The following SPMIP2 variants were observed in gnomAD, a reference collection of about 807,000 sequenced individuals.
SPMIP2 encodes the protein protein SPMIP2.
the SPMIP2 span, among the ~76,000 whole-genome samples, chr4:159,044,388 A>AG: frequency 1.4e-5 from 2 of 138,354 alleles, no homozygotes; most frequent in African/African-American, 2.7e-5. Context: ...AAAAAAAAAA[A>AG]AGAGAGAAAG....
At chr4:158,984,466 G>C in the SPMIP2 span, among the ~76,000 whole-genome samples, 1,618 of 151,172 alleles carry the variant, frequency 0.011, 18 homozygotes, top group Middle Eastern at 0.048. Context: ...CTAGAACTCA[G>C]GATTAAGAAA....
chr4:158,994,336 A>G, the SPMIP2 span, among the ~76,000 whole-genome samples: 1 of 152,232 alleles, frequency 6.6e-6, no homozygotes, highest in Non-Finnish European at 1.5e-5. Flanking sequence ...GTGAGAGGCA[A>G]GCACTTCTTT....
At chr4:158,960,553 C>T in the SPMIP2 span, among the ~76,000 whole-genome samples, 2 of 152,082 alleles carry the variant, frequency 1.3e-5, no homozygotes, top group Non-Finnish European at 2.9e-5. Context: ...AAACAAGACC[C>T]TATGCGCTTT....
the SPMIP2 span, among the ~76,000 whole-genome samples, chr4:158,927,156 G>C: frequency 3.9e-5 from 6 of 152,116 alleles, no homozygotes; most frequent in African/African-American, 1.4e-4. Context: ...CTGTCTTCCT[G>C]ATAGACTGAC....
At chr4:158,904,514 T>C in the SPMIP2 span, 1 of 1,613,320 alleles carries the variant, frequency 6.2e-7, no homozygotes, top group Non-Finnish European at 8.5e-7. Context: ...CCAGTACTCA[T>C]TCTCCTTATG....
At chr4:158,936,825 TG>T in the SPMIP2 span, among the ~76,000 whole-genome samples, 1 of 152,112 alleles carries the variant, frequency 6.6e-6, no homozygotes, top group Admixed American at 6.5e-5. Flanking sequence ...ATAGGTGGGG[TG>T]GGTGTTACTG....
At chr4:159,037,013 T>A in the SPMIP2 span, among the ~76,000 whole-genome samples, 490 of 152,328 alleles carry the variant, frequency 3.2e-3, 4 homozygotes, top group African/African-American at 0.011. Flanking sequence ...GTTTTAAGGA[T>A]GCTGAGAAGA....
chr4:159,033,628 G>A, the SPMIP2 span, among the ~76,000 whole-genome samples: 2 of 152,264 alleles, frequency 1.3e-5, no homozygotes, highest in South Asian at 4.1e-4. Flanking sequence ...AAGGCAAAAG[G>A]AATTGCAGAT....
chr4:159,081,038 CTTTTTT>C, the SPMIP2 span, among the ~76,000 whole-genome samples: 1 of 118,410 alleles, frequency 8.4e-6, no homozygotes, highest in African/African-American at 3.2e-5. Context: ...GTTTCTTTCT[CTTTTTT>C]TTTTTTTTTT....
the SPMIP2 span, among the ~76,000 whole-genome samples, chr4:158,940,559 C>T: frequency 6.6e-4 from 89 of 135,066 alleles, no homozygotes; most frequent in East Asian, 1.3e-3. Flanking sequence ...GTTGTTCCTT[C>T]TTTTTTTTTT....
chr4:159,039,552 T>C, the SPMIP2 span, among the ~76,000 whole-genome samples: 1 of 152,200 alleles, frequency 6.6e-6, no homozygotes, highest in Admixed American at 6.5e-5. Context: ...TTGATGGCAT[T>C]GACTAGATGT....
chr4:159,082,591 G>C, the SPMIP2 span, among the ~76,000 whole-genome samples: 1 of 151,764 alleles, frequency 6.6e-6, no homozygotes, highest in Non-Finnish European at 1.5e-5. Flanking sequence ...GGCATTTGAT[G>C]ACAAGCTGGG....
At chr4:159,078,543 C>T in the SPMIP2 span, among the ~76,000 whole-genome samples, 1 of 152,146 alleles carries the variant, frequency 6.6e-6, no homozygotes, top group Non-Finnish European at 1.5e-5. Flanking sequence ...AGTTGGTCAG[C>T]ACTTTTTATC....
chr4:158,946,886 G>A, the SPMIP2 span, among the ~76,000 whole-genome samples: 82 of 152,332 alleles, frequency 5.4e-4, no homozygotes, highest in Non-Finnish European at 1.0e-3. Flanking sequence ...GCCTAGCACA[G>A]TGCCTGGTAC....
chr4:159,058,668 G>A, the SPMIP2 span, among the ~76,000 whole-genome samples: 1 of 152,108 alleles, frequency 6.6e-6, no homozygotes, highest in African/African-American at 2.4e-5. Context: ...GAAATTCACA[G>A]CTATTACAGG....
the SPMIP2 span, among the ~76,000 whole-genome samples, chr4:159,012,739 ATTTT>A: frequency 5.9e-5 from 9 of 151,636 alleles, 1 homozygote; most frequent in Admixed American, 5.9e-4. Flanking sequence ...GCCCAGCTAA[ATTTT>A]TTTTATTTTT....
At chr4:159,026,239 C>G in the SPMIP2 span, 1 of 513,512 alleles carries the variant, frequency 1.9e-6, no homozygotes, top group Admixed American at 2.6e-5. Flanking sequence ...AATGGCCAAG[C>G]CAGAGTGTAT....
the SPMIP2 span, among the ~76,000 whole-genome samples, chr4:159,025,310 G>A: frequency 6.6e-6 from 1 of 152,082 alleles, no homozygotes; most frequent in East Asian, 1.9e-4. Flanking sequence ...GATTACAGAC[G>A]TGAACCACCA....
the SPMIP2 span, among the ~76,000 whole-genome samples, chr4:159,058,745 T>C: frequency 6.6e-6 from 1 of 152,340 alleles, no homozygotes; most frequent in Admixed American, 6.5e-5. Flanking sequence ...CTTATTTCTA[T>C]TTAAAAGCAT....
Sources: allele counts gnomAD v4.1 joint callset (sites outside exome capture counted in the v4.1 genomes callset), GRCh38; gene constraint gnomAD v4.1.1; transcripts MANE v1.5; gene names NCBI Gene and HGNC (gene_info 2026-07-23, HGNC 2026-07-21).